Variants in PLB1 observed in about 807,000 individuals in gnomAD.
The protein encoded by PLB1 is phospholipase B1, membrane-associated.
In PLB1, 242 loss-of-function variants were observed where a neutral mutation model predicts 227.4. The observed-to-expected ratio is 1.06, with a 90% CI of 0.96 to 1.18. PLB1 has a LOEUF of 1.18. PLB1 is among the 50% of genes most tolerant of loss of function. The probability of loss-of-function intolerance (pLI) is 0.00; values close to 1 mark genes in which losing one functional copy is unlikely to be tolerated. For missense variants in PLB1, 1,858 were observed against 1,816.3 expected (o/e 1.02, Z -0.42); for synonymous variants, 757 against 682.2 (o/e 1.11, Z -1.71).
chr2:28,597,831 G>A (rs1014005723), intron 33 of PLB1, among the ~76,000 whole-genome samples, 174 bp from the exon 34 acceptor site: 1 of 152,192 alleles, frequency 6.6e-6, no homozygotes, highest in Non-Finnish European at 1.5e-5. Flanking sequence ...GAACCAATAT[G>A]TTAGGGGCTT....
At position 28,525,839 on chromosome 2, in the gene PLB1, G is replaced by A. The variant is rs1670171847; in HGVS notation, c.285-66G>A. Reference sequence around the variant, plus strand: ...CTACTATGAAATAGACCACAGCCAAGGGGAAGGGCTATTGGCAGGTGACAC... The same window carrying A: ...CTACTATGAAATAGACCACAGCCAAAGGGAAGGGCTATTGGCAGGTGACAC... On this transcript the variant is annotated intron_variant, in intron 5 of 57. Transcript: ENST00000327757. 21 of 1,576,474 alleles carry A rather than the reference G, an allele frequency of 1.3e-5. 1 individual carries two copies. The highest frequency in any genetic ancestry group is 1.7e-5 in the Non-Finnish European group (19 of 1,150,312).
chr2:28,578,430 C>T (rs1189676891), intron 22 of PLB1, among the ~76,000 whole-genome samples: 2 of 152,120 alleles, frequency 1.3e-5, no homozygotes, highest in African/African-American at 4.8e-5. Flanking sequence ...GAAGCGGAGA[C>T]CAATGTGAAG....
intron 20 of PLB1, among the ~76,000 whole-genome samples, chr2:28,571,450 A>G (rs1290637196): frequency 1.3e-5 from 2 of 152,200 alleles, no homozygotes; most frequent in Non-Finnish European, 2.9e-5. Flanking sequence ...TTGCAAGCTG[A>G]CCCTAAAATT....
At chr2:28,571,901 C>G (rs1293551904) in intron 20 of PLB1, among the ~76,000 whole-genome samples, 1 of 151,914 alleles carries the variant, frequency 6.6e-6, no homozygotes, top group Non-Finnish European at 1.5e-5. Context: ...AGATATGCCA[C>G]TAAGACAAGT....
intron 1 of PLB1, 106 bp downstream of exon 1, chr2:28,496,275 T>C: frequency 8.7e-7 from 1 of 1,154,058 alleles, no homozygotes; most frequent in Non-Finnish European, 1.3e-6. Flanking sequence ...TTTGAAGAGA[T>C]AAAGCACAAA....
rs752343499 is a variant in PLB1 at position 28,604,084 on chromosome 2, C to G, written c.2856+37C>G. The G allele has an allele frequency of 9.7e-6, 15 of 1,543,522 alleles. 1 individual carries two copies. In the South Asian group the frequency reaches 1.7e-4, roughly 17 times the overall value. On this transcript the variant is annotated intron_variant, in intron 40 of 57. Transcript: ENST00000327757. ...AAGGGCACCATGCTGTGTCCTCTCC[C>G]CTACGTTCACTCTAACACACAGCCC... is the stretch of plus-strand genomic sequence containing the variant.
At chr2:28,592,300 G>A (rs952030957) in intron 31 of PLB1, among the ~76,000 whole-genome samples, 1 of 152,094 alleles carries the variant, frequency 6.6e-6, no homozygotes, top group Admixed American at 6.5e-5. Context: ...GTGCACTCAG[G>A]CCATGGCTGT....
In PLB1 at chr2:28,598,013, G is replaced by T. The variant is rs1197138088; in HGVS notation, c.2330G>T (p.Gly777Val). ...QYRGLSYSAGGDGSLENVTTL... is the reference protein window; with the variant it reads ...QYRGLSYSAGVDGSLENVTTL... ...TTGCTCACTCCCTACAGTGCAGGAG[G>T]GGACGGCTCCCTGGAGAATGTGACC... is the stretch of plus-strand genomic sequence containing the variant. Residue 777 changes from glycine to valine, a missense_variant, in exon 34 of 58, where the codon GGG becomes GTG. Transcript: ENST00000327757. The T allele has an allele frequency of 1.9e-6, 3 of 1,613,190 alleles. No individual in the cohort carries two copies. The highest frequency in any genetic ancestry group is 2.2e-5 in the East Asian group (1 of 44,872).
At chr2:28,527,130 T>G (rs1163119382) in intron 6 of PLB1, among the ~76,000 whole-genome samples, 1 of 152,138 alleles carries the variant, frequency 6.6e-6, no homozygotes. Context: ...TAGGATATAG[T>G]TTAGACCCTG....
chr2:28,594,004 G>A (rs1425590551), intron 33 of PLB1: 1 of 731,892 alleles, frequency 1.4e-6, no homozygotes, highest in Admixed American at 1.8e-5. Context: ...TCAGACTCCT[G>A]GGTCAGCAAA....
intron 11 of PLB1, 52 bp from the exon 12 acceptor site, chr2:28,540,314 C>A (rs902058650): frequency 6.6e-7 from 1 of 1,510,602 alleles, no homozygotes; most frequent in Non-Finnish European, 9.2e-7. Flanking sequence ...GCATCCCCTT[C>A]CCTGCCCACA....
chr2:28,527,616 A>T (rs1295118361), intron 6 of PLB1, among the ~76,000 whole-genome samples: 4 of 152,218 alleles, frequency 2.6e-5, no homozygotes, highest in Admixed American at 2.6e-4. Flanking sequence ...TCAGGGAGGT[A>T]AATGGACTTT....
intron 20 of PLB1, among the ~76,000 whole-genome samples, chr2:28,569,876 G>T (rs1216425857): frequency 4.0e-5 from 6 of 149,994 alleles, no homozygotes; most frequent in African/African-American, 7.3e-5. Flanking sequence ...TGAGGCAGGA[G>T]AATGGCATGA....
chr2:28,511,970 T>TTTA (rs397747305), intron 1 of PLB1, among the ~76,000 whole-genome samples: 1 of 149,242 alleles, frequency 6.7e-6, no homozygotes, highest in South Asian at 2.1e-4. Context: ...TTTTTTTTTT[T>TTTA]AGTAGAGATG....
chr2:28,611,425 C>A (rs1032614778), intron 43 of PLB1, among the ~76,000 whole-genome samples: 8 of 152,156 alleles, frequency 5.3e-5, no homozygotes, highest in South Asian at 4.1e-4. Flanking sequence ...GCTCCTTTGA[C>A]GTGCAGGGAG....
rs1304144580 is a variant in PLB1, at chr2:28,589,443, C to T, written c.1816-7C>T. 1.9e-6 allele frequency: 3 copies of T among 1,612,616 alleles called. No homozygotes were observed. Among genetic ancestry groups the T allele is most frequent in the South Asian group, 1.1e-5 (1 of 91,044 alleles). ...TGCCTGACATCTGTCCCCTTTTCCT[C>T]CTGCAGGAGAAGACCCACCAACTGA... On this transcript the variant is annotated splice_region_variant and splice_polypyrimidine_tract_variant and intron_variant, in intron 26 of 57. Coordinates refer to ENST00000327757, the MANE Select transcript of PLB1 (RefSeq NM_153021.5).
chr2:28,522,274 G>A (rs1461260817), intron 4 of PLB1, among the ~76,000 whole-genome samples: 3 of 151,960 alleles, frequency 2.0e-5, no homozygotes, highest in Non-Finnish European at 4.4e-5. Flanking sequence ...GTGTGTAGAG[G>A]TATAGACTGA....
chr2:28,577,040 G>A (rs1438454136), intron 21 of PLB1, among the ~76,000 whole-genome samples: 4 of 152,306 alleles, frequency 2.6e-5, no homozygotes, highest in Non-Finnish European at 1.5e-5. Flanking sequence ...TGCATACTAC[G>A]TGCCAAGCAC....
At position 28,643,899 on chromosome 2, in the gene PLB1, G is replaced by A. The variant is rs1421103227; in HGVS notation, c.*838G>A. 1.3e-5 allele frequency: 2 copies of A among 152,206 alleles called. No individual in the cohort carries two copies. The highest frequency in any genetic ancestry group is 4.8e-5 in the African/African-American group (2 of 41,446). The allele number at this position is 152,206 out of a possible 1,614,324, so 9.4% of individuals were successfully genotyped here. A position where few individuals can be genotyped will look rare whatever the true frequency, so the allele number is the denominator to read the frequency against. On this transcript the variant is annotated 3_prime_UTR_variant, in exon 58 of 58. Transcript: ENST00000327757. ...AAAACTAGAGAGAGTCTGAAAATATGGGCTGCATTCACTGAGCCCCTGCTA... is the reference window on the plus strand; with the variant it reads ...AAAACTAGAGAGAGTCTGAAAATATAGGCTGCATTCACTGAGCCCCTGCTA...
Sources: allele counts gnomAD v4.1 joint callset (sites outside exome capture counted in the v4.1 genomes callset), GRCh38; gene constraint gnomAD v4.1.1; transcripts MANE v1.5; gene names NCBI Gene and HGNC (gene_info 2026-07-23, HGNC 2026-07-21).